Variants in KIFAP3 observed in about 807,000 individuals in gnomAD.
KIFAP3 encodes the protein kinesin-associated protein 3.
A neutral mutation model predicts 106.5 loss-of-function variants in KIFAP3; 68 were observed. That is an observed-to-expected ratio of 0.64 (90% CI 0.53 to 0.78). The LOEUF (loss-of-function observed/expected upper bound fraction) is 0.78, where lower values mean the gene tolerates loss of function less well. KIFAP3 is among the 30% of genes least tolerant of loss of function. The probability of loss-of-function intolerance (pLI) is 0.00; values close to 1 mark genes in which losing one functional copy is unlikely to be tolerated. For missense variants in KIFAP3, 780 were observed against 941.8 expected (o/e 0.83, Z 2.25); for synonymous variants, 320 against 311.5 (o/e 1.03, Z -0.29).
chr1:169,929,336 A>G (rs762326732), intron 19 of KIFAP3, among the ~76,000 whole-genome samples: 6 of 152,226 alleles, frequency 3.9e-5, no homozygotes, highest in Non-Finnish European at 7.3e-5. Context: ...AAAATAGATC[A>G]TAAGAAAAGA....
intron 10 of KIFAP3, among the ~76,000 whole-genome samples, chr1:170,001,832 T>A (rs1333273703): frequency 6.6e-6 from 1 of 152,152 alleles, no homozygotes; most frequent in African/African-American, 2.4e-5. Flanking sequence ...TTCCAAACAG[T>A]TTTTAATAAG....
At chr1:169,927,320 G>A (rs1020891499) in intron 19 of KIFAP3, among the ~76,000 whole-genome samples, 9 of 152,146 alleles carry the variant, frequency 5.9e-5, no homozygotes, top group Non-Finnish European at 1.2e-4. Flanking sequence ...ACCTAACATG[G>A]AAGAAATATT....
intron 3 of KIFAP3, among the ~76,000 whole-genome samples, chr1:170,046,032 TCTTCATCATCCTGTCCCATTA>T (rs1383763961): frequency 1.3e-5 from 2 of 151,800 alleles, no homozygotes; most frequent in East Asian, 3.9e-4. Flanking sequence ...GAATACAGCT[TCTTCATCATCCTGTCCCATTA>T]CTTCACCTTA....
intron 10 of KIFAP3, among the ~76,000 whole-genome samples, chr1:170,005,138 C>A (rs1357496157): frequency 6.6e-6 from 1 of 150,934 alleles, no homozygotes; most frequent in Non-Finnish European, 1.5e-5. Context: ...CAGAGAAATG[C>A]AAATCAAAAC....
chr1:169,922,892 C>G (rs1424554580), intron 19 of KIFAP3, among the ~76,000 whole-genome samples: 1 of 152,160 alleles, frequency 6.6e-6, no homozygotes, highest in African/African-American at 2.4e-5. Context: ...GCACTAACTC[C>G]CTGTCACACT....
intron 10 of KIFAP3, among the ~76,000 whole-genome samples, chr1:170,005,822 C>T (rs1359180089): frequency 1.3e-5 from 2 of 150,834 alleles, no homozygotes; most frequent in Admixed American, 1.3e-4. Flanking sequence ...CAAACCTGCA[C>T]GTTGTGCACA....
intron 8 of KIFAP3, among the ~76,000 whole-genome samples, chr1:170,027,242 A>G (rs1269416400): frequency 6.6e-6 from 1 of 151,708 alleles, no homozygotes; most frequent in Non-Finnish European, 1.5e-5. Context: ...CTGGTCTCGA[A>G]CTCCTGACCC....
chr1:169,985,676 T>C (rs564934908), intron 11 of KIFAP3, among the ~76,000 whole-genome samples: 1 of 152,024 alleles, frequency 6.6e-6, no homozygotes, highest in Non-Finnish European at 1.5e-5. Flanking sequence ...ACTAGAGGTA[T>C]AATTTTAGGA....
intron 8 of KIFAP3, among the ~76,000 whole-genome samples, chr1:170,026,476 C>A (rs932367678): frequency 2.6e-5 from 4 of 152,108 alleles, no homozygotes; most frequent in African/African-American, 9.7e-5. Context: ...TAGAATATTG[C>A]CTTGAGAGTT....
At chr1:170,023,161 A>G (rs562038143) in intron 9 of KIFAP3, among the ~76,000 whole-genome samples, 229 of 152,224 alleles carry the variant, frequency 1.5e-3, no homozygotes, top group Non-Finnish European at 2.6e-3. Context: ...CCAAAATAAT[A>G]TCAGGCACAT....
intron 10 of KIFAP3, among the ~76,000 whole-genome samples, chr1:170,012,922 G>A (rs10218486): frequency 0.018 from 2,764 of 152,084 alleles, 77 homozygotes; most frequent in African/African-American, 0.062. Context: ...AACACTATGC[G>A]GAAAATGCCC....
chr1:170,010,904 G>C (rs1241954355), intron 10 of KIFAP3, among the ~76,000 whole-genome samples: 2 of 151,928 alleles, frequency 1.3e-5, no homozygotes, highest in East Asian at 1.9e-4. Context: ...GCTCCACAGA[G>C]AGGCTTCTAC....
At position 170,031,893 on chromosome 1, in the gene KIFAP3, T is replaced by C. The variant is rs36022648; in HGVS notation, c.834A>G (p.Leu278=). 2,708 of 1,598,532 alleles carry C rather than the reference T, an allele frequency of 1.7e-3. 29 individuals are homozygous for C. The African/African-American group carries it at 0.023, about 14-fold the overall frequency. ...TTGCTTAGGAATTCATACCTCGTAA[T>C]AGCTGTTCCTGTTTTACCACAAGCC... ...YQGLVVKQEQ[L]LRVALYLLLN... Residue 278 remains leucine (L), a synonymous_variant, in exon 8 of 20, where the codon CTA becomes CTG. Transcript: ENST00000361580.
intron 1 of KIFAP3, among the ~76,000 whole-genome samples, chr1:170,061,880 G>A (rs1352762682): frequency 5.3e-5 from 8 of 152,114 alleles, no homozygotes; most frequent in Admixed American, 5.2e-4. Context: ...GGATGAAGCT[G>A]GAAACCATCA....
At chr1:169,963,893 T>C (rs531029483) in intron 17 of KIFAP3, among the ~76,000 whole-genome samples, 42 of 146,112 alleles carry the variant, frequency 2.9e-4, no homozygotes, top group South Asian at 2.2e-3. Context: ...AATTAAGAGC[T>C]ATCATAAACA....
Position 170,061,016 on chromosome 1 carries a change from G to A in KIFAP3, c.33-5580C>T, listed in dbSNP as rs538465422. Reference sequence around the variant, plus strand: ...CACCTTATACAAAAATTAATTCAAGGTGGATTAAAGACTTAAATGTTAGAC... The same window carrying A: ...CACCTTATACAAAAATTAATTCAAGATGGATTAAAGACTTAAATGTTAGAC... On this transcript the variant is annotated intron_variant, in intron 1 of 19. Transcript: ENST00000361580. 5.3e-5 allele frequency among the ~76,000 whole-genome samples: 8 copies of A among 152,126 alleles called. No homozygotes were observed. The East Asian group carries it at 7.7e-4, about 15-fold the overall frequency.
chr1:170,060,939 G>A (rs1571754039), intron 1 of KIFAP3, among the ~76,000 whole-genome samples: 2 of 152,288 alleles, frequency 1.3e-5, no homozygotes, highest in East Asian at 1.9e-4. Context: ...AAATGGTGCT[G>A]GGAAAACTGG....
chr1:170,072,733 A>G (rs1671761538), intron 1 of KIFAP3, among the ~76,000 whole-genome samples: 1 of 151,934 alleles, frequency 6.6e-6, no homozygotes, highest in Admixed American at 6.5e-5. Context: ...TCAAAAAACA[A>G]TAATTAAAAT....
intron 10 of KIFAP3, among the ~76,000 whole-genome samples, chr1:170,004,381 A>G (rs1456412627): frequency 6.6e-6 from 1 of 152,172 alleles, no homozygotes; most frequent in East Asian, 1.9e-4. Context: ...GGAGCCAAAA[A>G]AGACCCCGCA....
Sources: gnomAD v4.1 joint callset for allele counts (sites outside exome capture counted in the v4.1 genomes callset) on GRCh38, gnomAD v4.1.1 for gene constraint, MANE v1.5 for transcripts, NCBI Gene and HGNC (gene_info 2026-07-23, HGNC 2026-07-21) for gene names.